The following NTM variants were observed in gnomAD, a reference collection of about 807,000 sequenced individuals.
NTM encodes the protein neurotrimin.
NTM carries 13 observed loss-of-function variants against 42.1 expected under a neutral mutation model. That is an observed-to-expected ratio of 0.31 (90% confidence interval 0.20 to 0.49). The LOEUF (loss-of-function observed/expected upper bound fraction) is 0.49. NTM is among the 20% of genes least tolerant of loss of function. The probability of loss-of-function intolerance (pLI) is 0.99; values close to 1 mark genes in which losing one functional copy is unlikely to be tolerated. For missense variants in NTM, 373 were observed against 452.8 expected (o/e 0.82, Z 1.60); for synonymous variants, 187 against 179.2 (o/e 1.04, Z -0.35).
At chr11:131,743,372 T>G (rs2081412424) in intron 1 of NTM, among the ~76,000 whole-genome samples, 1 of 152,168 alleles carries the variant, frequency 6.6e-6, no homozygotes, top group Non-Finnish European at 1.5e-5. Flanking sequence ...ATTGTGAAGT[T>G]TATCTTTAGA....
intron 1 of NTM, among the ~76,000 whole-genome samples, chr11:131,508,794 C>T (rs1179871822): frequency 1.3e-5 from 2 of 148,984 alleles, no homozygotes; most frequent in Admixed American, 6.7e-5. Flanking sequence ...AACAAAAAAC[C>T]AAACACCGCA....
At chr11:132,280,338 G>A (rs1200575596) in intron 4 of NTM, among the ~76,000 whole-genome samples, 2 of 152,060 alleles carry the variant, frequency 1.3e-5, no homozygotes, top group African/African-American at 4.8e-5. Context: ...GAAAGTACAG[G>A]ACACTCCAGC....
intron 2 of NTM, among the ~76,000 whole-genome samples, chr11:131,976,459 A>G (rs765783222): frequency 6.6e-6 from 1 of 152,044 alleles, no homozygotes; most frequent in Admixed American, 6.5e-5. Flanking sequence ...ACTTTCAATC[A>G]TAAGGAGTTG....
chr11:132,275,655 C>A (rs1453628295), intron 4 of NTM, among the ~76,000 whole-genome samples: 1 of 125,350 alleles, frequency 8.0e-6, no homozygotes, highest in Non-Finnish European at 1.8e-5. Flanking sequence ...TGATACATTA[C>A]AATTGTGCAT....
chr11:131,858,580 G>C (rs549560368), intron 1 of NTM, among the ~76,000 whole-genome samples: 2 of 152,140 alleles, frequency 1.3e-5, no homozygotes, highest in Non-Finnish European at 2.9e-5. Flanking sequence ...ATATAAAATC[G>C]GATGGTAAGT....
At chr11:132,303,502 C>G (rs574005374) in intron 4 of NTM, among the ~76,000 whole-genome samples, 121 of 152,304 alleles carry the variant, frequency 7.9e-4, no homozygotes, top group African/African-American at 2.9e-3. Flanking sequence ...AGATTAGGGT[C>G]TACCATAATA....
intron 1 of NTM, among the ~76,000 whole-genome samples, chr11:131,628,376 T>G (rs1001224318): frequency 1.3e-5 from 2 of 152,258 alleles, no homozygotes. Context: ...CCCGGCCCAG[T>G]ATTTGGCATG....
chr11:132,257,367 C>G (rs914047909), intron 4 of NTM, among the ~76,000 whole-genome samples: 2 of 152,144 alleles, frequency 1.3e-5, no homozygotes, highest in Non-Finnish European at 2.9e-5. Context: ...AAGGAAGTGA[C>G]CAGTTGGAGA....
chr11:132,108,547 C>T (rs769609493), intron 2 of NTM, among the ~76,000 whole-genome samples: 2 of 152,024 alleles, frequency 1.3e-5, no homozygotes, highest in East Asian at 1.9e-4. Context: ...GGTGGCGGGG[C>T]GAGGAACAAA....
Position 132,146,763 on chromosome 11 carries a change from A to G in NTM, c.400+249A>G. ...ATATTTTCTCAGGAAATTATCTTGT[A>G]ATTATTGCTCTTCTTGGCTTTTTTC... On this transcript the variant is annotated intron_variant, in intron 3 of 8. Coordinates refer to ENST00000683400, the MANE Select transcript of NTM (RefSeq NM_001352005.2). The surrounding 1 kb of genome is among the most constrained non-coding windows in gnomAD (Gnocchi z 4.5). 1 of 447,096 alleles carries G rather than the reference A, an allele frequency of 2.2e-6. No homozygotes were observed. 27.7% of individuals were successfully genotyped at this position (447,096 alleles called of 1,614,324 possible).
intron 2 of NTM, among the ~76,000 whole-genome samples, chr11:132,049,525 C>G (rs1173525890): frequency 1.3e-5 from 2 of 152,232 alleles, no homozygotes; most frequent in Non-Finnish European, 2.9e-5. Flanking sequence ...CCAACACACA[C>G]TGGCTCTGGG....
At chr11:132,155,913 A>T (rs565386653) in intron 3 of NTM, among the ~76,000 whole-genome samples, 1 of 152,332 alleles carries the variant, frequency 6.6e-6, no homozygotes, top group East Asian at 1.9e-4. Flanking sequence ...TAAGGGCAGC[A>T]GCTCTCACAG....
chr11:131,633,854 G>T (rs1229921970), intron 1 of NTM, among the ~76,000 whole-genome samples: 1 of 148,076 alleles, frequency 6.8e-6, no homozygotes, highest in East Asian at 2.0e-4. Flanking sequence ...ACCTATTTTG[G>T]TCTTCTTAAT....
chr11:131,774,155 A>G, intron 1 of NTM: 1 of 979,010 alleles, frequency 1.0e-6, no homozygotes, highest in Non-Finnish European at 1.2e-6. Context: ...TCAGTGGGAA[A>G]CCCATCAGCT....
At chr11:131,723,862 C>T (rs1565469597) in intron 1 of NTM, among the ~76,000 whole-genome samples, 1 of 151,614 alleles carries the variant, frequency 6.6e-6, no homozygotes, top group Non-Finnish European at 1.5e-5. Flanking sequence ...GAGAGACAGA[C>T]AAGAGGAGAG....
chr11:131,760,998 A>G (rs143980641), intron 1 of NTM, among the ~76,000 whole-genome samples: 159 of 152,194 alleles, frequency 1.0e-3, no homozygotes, highest in African/African-American at 3.7e-3. Flanking sequence ...GTTTTTGAGA[A>G]AATAGCTGCA....
chr11:132,254,487 C>T (rs914725875), intron 4 of NTM, among the ~76,000 whole-genome samples: 1 of 152,182 alleles, frequency 6.6e-6, no homozygotes, highest in East Asian at 1.9e-4. Context: ...TCCTCAGCTG[C>T]TCAGTCCTCC....
intron 1 of NTM, among the ~76,000 whole-genome samples, chr11:131,876,810 G>A (rs910319830): frequency 6.6e-6 from 1 of 151,694 alleles, no homozygotes; most frequent in Non-Finnish European, 1.5e-5. Flanking sequence ...CCTGTAAACT[G>A]TAAAGTACTA....
chr11:132,071,237 C>T (rs2057608247), intron 2 of NTM, among the ~76,000 whole-genome samples: 2 of 134,054 alleles, frequency 1.5e-5, no homozygotes, highest in Non-Finnish European at 3.2e-5. Context: ...TTAGTTAACA[C>T]GTCACTCAGC....
Sources: allele counts gnomAD v4.1 joint callset (sites outside exome capture counted in the v4.1 genomes callset), GRCh38; gene constraint gnomAD v4.1.1; non-coding constraint Gnocchi (gnomAD v3.1); transcripts MANE v1.5; gene names NCBI Gene and HGNC (gene_info 2026-07-23, HGNC 2026-07-21).